The following FOXK1 variants were observed in gnomAD, a reference collection of about 807,000 sequenced individuals.
The protein encoded by FOXK1 is forkhead box K1.
In FOXK1, 19 loss-of-function variants were observed where a neutral mutation model predicts 51.9. The observed-to-expected ratio is 0.37, with a 90% confidence interval of 0.26 to 0.54. FOXK1 has a LOEUF of 0.54. Among genes scored for constraint, FOXK1 ranks in the 20% least tolerant of loss-of-function variants. The pLI, the probability that FOXK1 is intolerant of heterozygous loss-of-function variation, is 0.87. For synonymous variants in FOXK1, 537 were observed against 482.6 expected (o/e 1.11, Z -1.48); for missense variants, 870 against 1,032.7 (o/e 0.84, Z 2.16).
At chr7:4,738,948 T>C (rs574252539) in intron 1 of FOXK1, among the ~76,000 whole-genome samples, 4 of 151,094 alleles carry the variant, frequency 2.6e-5, no homozygotes, top group Admixed American at 2.0e-4. Context: ...AGCGGGTCCC[T>C]GGGAAGAAGA....
In FOXK1 at chr7:4,762,156, G is replaced by A; in HGVS notation, c.1922-28G>A. ...GCAGCTGGGTCCTAACCAGACCCCA[G>A]AGTAACCCTCTTCTTCCTCCACTCC... On this transcript the variant is annotated intron_variant, in intron 8 of 8. Transcript: ENST00000328914. This position sits in a 1 kb window ranked among gnomAD's most constrained non-coding sequence, Gnocchi z 5.7. 2.6e-6 allele frequency: 4 copies of A among 1,535,902 alleles called. No individual in the cohort carries two copies. Among genetic ancestry groups the A allele is most frequent in the Non-Finnish European group, 3.5e-6 (4 of 1,135,714 alleles).
In FOXK1 at chr7:4,723,908, C is replaced by T. The variant is rs1334727107; in HGVS notation, c.561-16930C>T. Among the ~76,000 whole-genome samples, 1 of 152,162 alleles carries T rather than the reference C, an allele frequency of 6.6e-6. No individual in the cohort carries two copies. The highest frequency in any genetic ancestry group is 2.1e-4 in the South Asian group (1 of 4,830). On this transcript the variant is annotated intron_variant, in intron 1 of 8. Transcript: ENST00000328914. The surrounding 1 kb of genome is among the most constrained non-coding windows in gnomAD (Gnocchi z 4.7). ...CCGGTCTCGACCTCCTAGGCTCAAG[C>T]GATCCTCCTACCTCAGCTTCCCAAA...
At position 4,732,398 on chromosome 7, in the gene FOXK1, T is replaced by C. The variant is rs939420170; in HGVS notation, c.561-8440T>C. ...GCCTCCGCTGCCCAGGCTCAAGCCA[T>C]CTTCCCTCCTCAGCCTCCCAAGTAG... On this transcript the variant is annotated intron_variant, in intron 1 of 8. Coordinates refer to ENST00000328914, the MANE Select transcript of FOXK1 (RefSeq NM_001037165.2). Among the ~76,000 whole-genome samples, 4 of 152,314 alleles carry C rather than the reference T, an allele frequency of 2.6e-5. No individual in the cohort carries two copies. The East Asian group carries it at 7.7e-4, about 29-fold the overall frequency.
In FOXK1 at chr7:4,761,431, G is replaced by T; in HGVS notation, c.1921+143G>T. 1.1e-6 allele frequency: 1 copy of T among 906,882 alleles called. No homozygotes were observed. The highest frequency in any genetic ancestry group is 1.7e-6 in the Non-Finnish European group (1 of 602,524). The allele number at this position is 906,882 out of a possible 1,614,324, so 56.2% of individuals were successfully genotyped here. A position where few individuals can be genotyped will look rare whatever the true frequency, so the allele number is the denominator to read the frequency against. On this transcript the variant is annotated intron_variant, in intron 8 of 8. Coordinates refer to ENST00000328914, the MANE Select transcript of FOXK1 (RefSeq NM_001037165.2). The surrounding 1 kb of genome is among the most constrained non-coding windows in gnomAD (Gnocchi z 6.2). ...GAGCACCTGCTATACTCCAGGCACT[G>T]GGGTAATGCAAAGAAAAAGAGGGTG...
At chr7:4,757,559 G>C (rs1381801668) in intron 5 of FOXK1, among the ~76,000 whole-genome samples, 1 of 146,484 alleles carries the variant, frequency 6.8e-6, no homozygotes, top group African/African-American at 2.6e-5. Flanking sequence ...GAATCTCGGA[G>C]GCAGAAGTTG....
rs1489538221 is a variant in FOXK1 at position 4,756,795 on chromosome 7, C to T, written c.1051-199C>T. Among the ~76,000 whole-genome samples the T allele has an allele frequency of 1.3e-5, 2 of 151,646 alleles. No homozygotes were observed. The highest frequency in any genetic ancestry group is 2.1e-4 in the South Asian group (1 of 4,820). On this transcript the variant is annotated intron_variant, in intron 4 of 8. Coordinates refer to ENST00000328914, the MANE Select transcript of FOXK1 (RefSeq NM_001037165.2). This position sits in a 1 kb window ranked among gnomAD's most constrained non-coding sequence, Gnocchi z 4.1. ...AAAAAAAGGTAAAATGGTAATTATGCGGTGTCAAATTTTGATAGGAATGAC... is the reference window on the plus strand; with the variant it reads ...AAAAAAAGGTAAAATGGTAATTATGTGGTGTCAAATTTTGATAGGAATGAC...
rs1208786127 is a variant in FOXK1, at chr7:4,709,140, T to A, written c.560+26272T>A. Among the ~76,000 whole-genome samples, 2 of 151,882 alleles carry A rather than the reference T, an allele frequency of 1.3e-5. No individual in the cohort carries two copies. Reference sequence around the variant, plus strand: ...AAAGAGGCTGGTGGGAAAATGTAGTTCCTGGAAGCCTCGCCTAGCTGTTGC... The same window carrying A: ...AAAGAGGCTGGTGGGAAAATGTAGTACCTGGAAGCCTCGCCTAGCTGTTGC... On this transcript the variant is annotated intron_variant, in intron 1 of 8. Transcript: ENST00000328914. This position sits in a 1 kb window ranked among gnomAD's most constrained non-coding sequence, Gnocchi z 5.6.
At chr7:4,706,209 G>T (rs1485927532) in intron 1 of FOXK1, among the ~76,000 whole-genome samples, 3 of 151,930 alleles carry the variant, frequency 2.0e-5, no homozygotes, top group Admixed American at 6.6e-5. Context: ...CATTTAAAGA[G>T]ATCTATAGCA....
intron 1 of FOXK1, among the ~76,000 whole-genome samples, chr7:4,690,494 T>A (rs1211708350): frequency 6.6e-6 from 1 of 152,060 alleles, no homozygotes; most frequent in Non-Finnish European, 1.5e-5. Context: ...TGGGTCGAGT[T>A]AAAACTATGA....
chr7:4,744,924 C>T (rs542952733), intron 2 of FOXK1, among the ~76,000 whole-genome samples: 13 of 152,380 alleles, frequency 8.5e-5, no homozygotes, highest in African/African-American at 3.1e-4. Flanking sequence ...AAAAGCCTCT[C>T]TGTTTACATC....
At chr7:4,701,757 GT>G (rs1358644299) in intron 1 of FOXK1, among the ~76,000 whole-genome samples, 5 of 152,244 alleles carry the variant, frequency 3.3e-5, no homozygotes, top group Non-Finnish European at 7.3e-5. Flanking sequence ...GCCAGGCATG[GT>G]GGCGGGCGCC....
At chr7:4,739,873 C>T (rs1431781642) in intron 1 of FOXK1, among the ~76,000 whole-genome samples, 1 of 152,238 alleles carries the variant, frequency 6.6e-6, no homozygotes, top group Non-Finnish European at 1.5e-5. Flanking sequence ...CAGATCCCAC[C>T]TGGGTGCCAC....
rs3087749 is a variant in FOXK1, at chr7:4,740,883, G to A, written c.606G>A (p.Thr202=). The change falls in exon 2 of 9, where the codon ACG becomes ACA. Residue 202 remains threonine (T), a synonymous_variant. Transcript: ENST00000328914. ...GCACGGCCATCAAGATCCAGTTCAC[G>A]TCGCTCTATCACAAAGAAGAGGCCC... ...FPSTAIKIQF[T]SLYHKEEAPA... 2.5e-6 allele frequency: 4 copies of A among 1,595,096 alleles called. No individual in the cohort carries two copies. The highest frequency in any genetic ancestry group is 2.7e-5 in the African/African-American group (2 of 73,574).
chr7:4,743,512 T>G lies in FOXK1; in HGVS notation c.746+2489T>G, dbSNP rs570114607. ...TTGCAGTGAGCTGAGATCACGCGAC[T>G]GCACTCCAGCCCGGGCGATAGAGCG... On this transcript the variant is annotated intron_variant, in intron 2 of 8. Coordinates refer to ENST00000328914, the MANE Select transcript of FOXK1 (RefSeq NM_001037165.2). The surrounding 1 kb of genome is among the most constrained non-coding windows in gnomAD (Gnocchi z 5.3). 6.6e-6 allele frequency among the ~76,000 whole-genome samples: 1 copy of G among 152,334 alleles called. No individual in the cohort carries two copies. The highest frequency in any genetic ancestry group is 2.4e-5 in the African/African-American group (1 of 41,584).
At chr7:4,712,811 A>T (rs1459795994) in intron 1 of FOXK1, among the ~76,000 whole-genome samples, 1 of 152,226 alleles carries the variant, frequency 6.6e-6, no homozygotes, top group African/African-American at 2.4e-5. Context: ...CAGCCAGGGC[A>T]GGGTTTATTG....
intron 2 of FOXK1, among the ~76,000 whole-genome samples, chr7:4,742,096 TGGCTCCTCCGC>T (rs759328976): frequency 3.3e-5 from 5 of 152,286 alleles, no homozygotes; most frequent in Non-Finnish European, 7.3e-5. Context: ...GCCGGAGCTG[TGGCTCCTCCGC>T]AGCACCAGCA....
At chr7:4,720,908 G>A (rs1379497484) in intron 1 of FOXK1, among the ~76,000 whole-genome samples, 6 of 150,990 alleles carry the variant, frequency 4.0e-5, no homozygotes, top group Admixed American at 6.6e-5. Context: ...TAGTATAGAC[G>A]GGGATCCATA....
intron 2 of FOXK1, among the ~76,000 whole-genome samples, chr7:4,742,802 C>T (rs1212985869): frequency 1.3e-5 from 2 of 152,368 alleles, no homozygotes; most frequent in African/African-American, 4.8e-5. Flanking sequence ...GGCACAGCTC[C>T]TCTACCCTGC....
rs1471268965 is a variant in FOXK1, at chr7:4,709,062, T to C, written c.560+26194T>C. Reference sequence around the variant, plus strand: ...CCTGGGCAATGAGCGAGACTCTGTCTCAAAAAAAAAAAAAAAAGAAAAGAA... The same window carrying C: ...CCTGGGCAATGAGCGAGACTCTGTCCCAAAAAAAAAAAAAAAAGAAAAGAA... On this transcript the variant is annotated intron_variant, in intron 1 of 8. Transcript: ENST00000328914. The surrounding 1 kb of genome is among the most constrained non-coding windows in gnomAD (Gnocchi z 5.6). 1.5e-4 allele frequency among the ~76,000 whole-genome samples: 14 copies of C among 93,606 alleles called. No individual in the cohort carries two copies. Among genetic ancestry groups the C allele is most frequent in the African/African-American group, 7.0e-4 (13 of 18,652 alleles). 61.4% of individuals were successfully genotyped at this position (93,606 alleles called of 152,430 possible).
Sources: gnomAD v4.1 joint callset for allele counts (sites outside exome capture counted in the v4.1 genomes callset) on GRCh38, gnomAD v4.1.1 for gene constraint, Gnocchi (gnomAD v3.1) non-coding constraint, MANE v1.5 for transcripts, NCBI Gene and HGNC (gene_info 2026-07-23, HGNC 2026-07-21) for gene names.